The following DLGAP2 variants were observed in gnomAD, a reference collection of about 807,000 sequenced individuals.
The protein encoded by DLGAP2 is DLG associated protein 2.
In DLGAP2, 26 loss-of-function variants were observed where a neutral mutation model predicts 100.3. That is an observed-to-expected ratio of 0.26 (90% CI 0.19 to 0.36). The LOEUF (loss-of-function observed/expected upper bound fraction) is 0.36. DLGAP2 is among the 10% of genes least tolerant of loss of function. The pLI, the probability that DLGAP2 is intolerant of heterozygous loss-of-function variation, is 1.00. For synonymous variants in DLGAP2, 886 were observed against 630.1 expected (o/e 1.41, Z -6.08); for missense variants, 1,858 against 1,453.2 (o/e 1.28, Z -4.53).
chr8:1,673,831 A>T (rs1798747766), intron 10 of DLGAP2, among the ~76,000 whole-genome samples: 1 of 152,246 alleles, frequency 6.6e-6, no homozygotes, highest in Admixed American at 6.5e-5. Flanking sequence ...TTCACTATAA[A>T]AAATAACAAA....
intron 7 of DLGAP2, among the ~76,000 whole-genome samples, chr8:1,630,100 A>G: frequency 6.6e-6 from 1 of 152,210 alleles, no homozygotes; most frequent in Non-Finnish European, 1.5e-5. Flanking sequence ...GCAGAGTTCT[A>G]TGGCATTACT....
chr8:982,747 C>T (rs554900204), intron 2 of DLGAP2, among the ~76,000 whole-genome samples: 5 of 152,220 alleles, frequency 3.3e-5, no homozygotes, highest in East Asian at 3.9e-4. Context: ...GCACTGTGCT[C>T]GGACCTAAAG....
chr8:1,493,136 G>C (rs1316806157), intron 3 of DLGAP2, among the ~76,000 whole-genome samples: 1 of 152,208 alleles, frequency 6.6e-6, no homozygotes, highest in Admixed American at 6.5e-5. Flanking sequence ...AGAACCAGGC[G>C]GATCCGTGTA....
At chr8:959,572 C>T (rs139958596) in intron 2 of DLGAP2, among the ~76,000 whole-genome samples, 2 of 152,328 alleles carry the variant, frequency 1.3e-5, no homozygotes, top group East Asian at 1.9e-4. Context: ...CTTGCTTCCT[C>T]ACTGGGATGT....
intron 8 of DLGAP2, among the ~76,000 whole-genome samples, chr8:1,635,170 A>G (rs1797738511): frequency 1.3e-5 from 2 of 152,238 alleles, no homozygotes; most frequent in African/African-American, 4.8e-5. Context: ...TATATTAGTT[A>G]TTTAAATCTT....
chr8:1,545,065 G>T (rs146976388), intron 4 of DLGAP2, among the ~76,000 whole-genome samples: 2 of 152,042 alleles, frequency 1.3e-5, no homozygotes, highest in Non-Finnish European at 2.9e-5. Flanking sequence ...TATTTATAAG[G>T]GATATTAATC....
intron 2 of DLGAP2, among the ~76,000 whole-genome samples, chr8:999,093 T>C (rs1317973209): frequency 6.6e-6 from 1 of 152,184 alleles, no homozygotes; most frequent in East Asian, 1.9e-4. Flanking sequence ...CTTAAAAATA[T>C]GTATTTAAAG....
chr8:1,408,798 G>C (rs763793031), intron 3 of DLGAP2, among the ~76,000 whole-genome samples: 23 of 152,176 alleles, frequency 1.5e-4, no homozygotes, highest in Non-Finnish European at 2.6e-4. Context: ...CCCTTCGTCT[G>C]TCACTTTCAC....
intron 3 of DLGAP2, among the ~76,000 whole-genome samples, chr8:1,436,394 T>C (rs1223209149): frequency 6.6e-6 from 1 of 152,202 alleles, no homozygotes; most frequent in African/African-American, 2.4e-5. Flanking sequence ...TCCTTCCACC[T>C]TCCTCTGCCT....
chr8:949,203 T>A (rs1799412901), intron 2 of DLGAP2, among the ~76,000 whole-genome samples: 1 of 152,158 alleles, frequency 6.6e-6, no homozygotes, highest in South Asian at 2.1e-4. Flanking sequence ...GGATCAGGGA[T>A]GCATCAAGGG....
At chr8:901,545 C>G (rs927307123) in intron 1 of DLGAP2, among the ~76,000 whole-genome samples, 1 of 152,156 alleles carries the variant, frequency 6.6e-6, no homozygotes, top group Non-Finnish European at 1.5e-5. Context: ...AGGAGCGAGA[C>G]GTTAAATGAT....
intron 1 of DLGAP2, among the ~76,000 whole-genome samples, chr8:823,348 G>C (rs568506362): frequency 6.6e-6 from 1 of 151,510 alleles, no homozygotes; most frequent in Non-Finnish European, 1.5e-5. Flanking sequence ...ATTGATATCT[G>C]CTTTCCCCCT....
chr8:1,150,563 C>G (rs1796680700), intron 2 of DLGAP2, among the ~76,000 whole-genome samples: 1 of 152,216 alleles, frequency 6.6e-6, no homozygotes, highest in Non-Finnish European at 1.5e-5. Flanking sequence ...GATTTGTCAT[C>G]ATGCCTCATT....
intron 3 of DLGAP2, among the ~76,000 whole-genome samples, chr8:1,338,938 C>G (rs1801354328): frequency 6.7e-6 from 1 of 148,866 alleles, no homozygotes; most frequent in Admixed American, 6.7e-5. Context: ...ATGCAATGAC[C>G]TCAGTGAGGC....
intron 3 of DLGAP2, among the ~76,000 whole-genome samples, chr8:1,409,388 T>A (rs1356104185): frequency 6.6e-6 from 1 of 152,204 alleles, no homozygotes; most frequent in Non-Finnish European, 1.5e-5. Context: ...CAGCTCTCCT[T>A]GGCAGTCCTG....
intron 1 of DLGAP2, among the ~76,000 whole-genome samples, chr8:906,194 G>A (rs116623363): frequency 0.042 from 6,336 of 152,306 alleles, 186 homozygotes; most frequent in African/African-American, 0.079. Context: ...TCCCTTAGGT[G>A]GTGTCTGCAG....
At chr8:863,896 A>G (rs576699765) in intron 1 of DLGAP2, among the ~76,000 whole-genome samples, 17 of 152,300 alleles carry the variant, frequency 1.1e-4, no homozygotes, top group South Asian at 1.0e-3. Flanking sequence ...GTGGAAGAGA[A>G]TCGGCCCCCA....
At chr8:1,037,033 C>T (rs1291421325) in intron 2 of DLGAP2, among the ~76,000 whole-genome samples, 1 of 152,040 alleles carries the variant, frequency 6.6e-6, no homozygotes. Context: ...GCTTGCTGTT[C>T]TGCTGGCCAG....
chr8:1,343,390 C>G (rs896623573), intron 3 of DLGAP2, among the ~76,000 whole-genome samples: 1 of 152,148 alleles, frequency 6.6e-6, no homozygotes, highest in Admixed American at 6.5e-5. Flanking sequence ...GCCCACGAGC[C>G]TGTGTCCTGG....
Sources: gnomAD v4.1 joint callset for allele counts (sites outside exome capture counted in the v4.1 genomes callset) on GRCh38, gnomAD v4.1.1 for gene constraint, MANE v1.5 for transcripts, NCBI Gene and HGNC (gene_info 2026-07-23, HGNC 2026-07-21) for gene names.